MLLT3: variants seen among roughly 807,000 people sequenced by gnomAD.
MLLT3 encodes MLLT3 super elongation complex subunit.
Under a neutral mutation model 53.2 loss-of-function variants are expected in MLLT3, and 4 were observed. That is an observed-to-expected ratio of 0.08 (90% CI 0.04 to 0.17). MLLT3 has a LOEUF of 0.17. MLLT3 is among the 10% of genes least tolerant of loss of function. MLLT3 has a pLI of 1.00. For missense variants in MLLT3, 569 were observed against 684.0 expected, an observed-to-expected ratio of 0.83 and a Z score of 1.87; for synonymous variants, 283 against 230.6, an observed-to-expected ratio of 1.23 and a Z score of -2.06.
At chr9:20,396,995 A>G (rs1822337164) in intron 5 of MLLT3, among the ~76,000 whole-genome samples, 1 of 152,182 alleles carries the variant, frequency 6.6e-6, no homozygotes, top group Admixed American at 6.6e-5. Context: ...ATTTATAAAT[A>G]CACATTAATC....
At chr9:20,499,700 A>G (rs1324409700) in intron 2 of MLLT3, among the ~76,000 whole-genome samples, 1 of 152,216 alleles carries the variant, frequency 6.6e-6, no homozygotes, top group African/African-American at 2.4e-5. Context: ...CCCCTTATTA[A>G]CAACTGTTAG....
At chr9:20,586,312 C>T (rs1422410138) in intron 2 of MLLT3, among the ~76,000 whole-genome samples, 2 of 150,814 alleles carry the variant, frequency 1.3e-5, no homozygotes, top group African/African-American at 2.4e-5. Context: ...AGAGCAAGAC[C>T]CCATCTCAGA....
chr9:20,464,004 A>C (rs991397456), intron 2 of MLLT3, among the ~76,000 whole-genome samples: 2 of 151,990 alleles, frequency 1.3e-5, no homozygotes, highest in African/African-American at 4.8e-5. Flanking sequence ...GCTTTTTAAA[A>C]TAAAATATAT....
chr9:20,347,676 G>A (rs2118585499), intron 10 of MLLT3, among the ~76,000 whole-genome samples: 1 of 152,184 alleles, frequency 6.6e-6, no homozygotes, highest in Admixed American at 6.5e-5. Flanking sequence ...GTTTTTTGGG[G>A]GAGGCAGCAA....
chr9:20,402,661 T>C (rs903945482), intron 5 of MLLT3, among the ~76,000 whole-genome samples: 14 of 151,658 alleles, frequency 9.2e-5, no homozygotes, highest in Non-Finnish European at 1.8e-4. Flanking sequence ...TGCCTAGTGA[T>C]TTTTTTCCCC....
intron 2 of MLLT3, among the ~76,000 whole-genome samples, chr9:20,588,600 A>G (rs1050737920): frequency 2.0e-5 from 3 of 152,102 alleles, no homozygotes; most frequent in Non-Finnish European, 4.4e-5. Flanking sequence ...TTCTCTTTGA[A>G]GCAATTGTGA....
At chr9:20,482,781 A>T (rs2118907312) in intron 2 of MLLT3, among the ~76,000 whole-genome samples, 1 of 152,310 alleles carries the variant, frequency 6.6e-6, no homozygotes, top group African/African-American at 2.4e-5. Context: ...ATGAGTGTAT[A>T]TTTATTTCTT....
chr9:20,435,202 T>C (rs1823371547), intron 4 of MLLT3, among the ~76,000 whole-genome samples: 1 of 152,110 alleles, frequency 6.6e-6, no homozygotes, highest in Non-Finnish European at 1.5e-5. Flanking sequence ...GAATTTGTTT[T>C]GTTTTCCTTC....
chr9:20,493,615 T>A (rs1400291433), intron 2 of MLLT3, among the ~76,000 whole-genome samples: 1 of 151,952 alleles, frequency 6.6e-6, no homozygotes, highest in Non-Finnish European at 1.5e-5. Flanking sequence ...CACTTAAATA[T>A]CCAACAAGTA....
chr9:20,484,567 A>C (rs922275651), intron 2 of MLLT3, among the ~76,000 whole-genome samples: 13 of 152,148 alleles, frequency 8.5e-5, no homozygotes, highest in South Asian at 2.1e-4. Context: ...AACTTAACCC[A>C]AAAATTACTC....
chr9:20,541,975 T>C (rs1007320725), intron 2 of MLLT3, among the ~76,000 whole-genome samples: 2 of 152,322 alleles, frequency 1.3e-5, no homozygotes, highest in South Asian at 2.1e-4. Flanking sequence ...CAAATGTTCA[T>C]AATGGCATCT....
chr9:20,353,936 A>G (rs538735481), intron 9 of MLLT3, among the ~76,000 whole-genome samples: 1 of 146,394 alleles, frequency 6.8e-6, no homozygotes, highest in Admixed American at 6.6e-5. Flanking sequence ...GTTTAAACAT[A>G]TTAACAAAGG....
In MLLT3 at chr9:20,342,039, T is replaced by A. The variant is rs534894472; in HGVS notation, c.*4404A>T. 2.0e-4 allele frequency: 41 copies of A among 209,208 alleles called. No individual in the cohort carries two copies. Among genetic ancestry groups the A allele is most frequent in the African/African-American group, 7.0e-4 (31 of 44,042 alleles). 13.0% of individuals were successfully genotyped at this position (209,208 alleles called of 1,614,324 possible). On this transcript the variant is annotated 3_prime_UTR_variant, in exon 11 of 11. Coordinates refer to ENST00000380338, the MANE Select transcript of MLLT3 (RefSeq NM_004529.4). ...CTGCCTTCAGCTGGTTTTGGACACA[T>A]TGTCCTCTCTCTGGATGTCTCAGAT... is the stretch of plus-strand genomic sequence containing the variant.
chr9:20,510,996 T>G (rs1825521685), intron 2 of MLLT3, among the ~76,000 whole-genome samples: 1 of 152,190 alleles, frequency 6.6e-6, no homozygotes, highest in Non-Finnish European at 1.5e-5. Context: ...CCATTAAAAA[T>G]AATGAATTAT....
intron 5 of MLLT3, among the ~76,000 whole-genome samples, chr9:20,387,933 G>A (rs1822082108): frequency 6.6e-6 from 1 of 152,188 alleles, no homozygotes; most frequent in Admixed American, 6.5e-5. Context: ...AATACAGGCA[G>A]GACTGGCTCA....
chr9:20,553,224 A>G (rs1388730486), intron 2 of MLLT3, among the ~76,000 whole-genome samples: 1 of 152,234 alleles, frequency 6.6e-6, no homozygotes, highest in Non-Finnish European at 1.5e-5. Flanking sequence ...TCATTTCTCG[A>G]CACTAAATGT....
chr9:20,509,184 C>T (rs1416346461), intron 2 of MLLT3, among the ~76,000 whole-genome samples: 1 of 152,208 alleles, frequency 6.6e-6, no homozygotes, highest in Non-Finnish European at 1.5e-5. Context: ...TCTCTCCATT[C>T]AGAGTCCAGA....
chr9:20,423,446 T>G (rs897951230), intron 4 of MLLT3, among the ~76,000 whole-genome samples: 2 of 152,146 alleles, frequency 1.3e-5, no homozygotes, highest in Admixed American at 1.3e-4. Flanking sequence ...GATTAAAAAA[T>G]GCAATGGGCC....
chr9:20,395,488 C>T (rs564311335), intron 5 of MLLT3, among the ~76,000 whole-genome samples: 37 of 152,188 alleles, frequency 2.4e-4, no homozygotes, highest in African/African-American at 8.9e-4. Flanking sequence ...TTATGTGTAG[C>T]TTTAAAAGGT....
Sources: gnomAD v4.1 joint callset for allele counts (sites outside exome capture counted in the v4.1 genomes callset) on GRCh38, gnomAD v4.1.1 for gene constraint, MANE v1.5 for transcripts, NCBI Gene and HGNC (gene_info 2026-07-23, HGNC 2026-07-21) for gene names.